Variants in DEUP1 observed in about 807,000 individuals in gnomAD.
DEUP1 encodes the protein deuterosome assembly protein 1.
Under a neutral mutation model 87.4 loss-of-function variants are expected in DEUP1, and 82 were observed. The ratio of observed to expected loss-of-function variants is 0.94; its 90% confidence interval spans 0.78 to 1.13. The LOEUF (loss-of-function observed/expected upper bound fraction) is 1.13, where lower values mean the gene tolerates loss of function less well. DEUP1 is among the 50% of genes most tolerant of loss of function. The pLI is 0.00. For missense variants in DEUP1, 663 were observed against 681.5 expected (o/e 0.97, Z 0.30); for synonymous variants, 214 against 222.7 (o/e 0.96, Z 0.35).
chr11:93,359,971 C>T (rs12098946), intron 4 of DEUP1, among the ~76,000 whole-genome samples: 1,855 of 152,106 alleles, frequency 0.012, 38 homozygotes, highest in African/African-American at 0.043. Flanking sequence ...ATTGGAGAGC[C>T]TGGACTTCTA....
At chr11:93,373,629 A>ATATATATATATATGTGTG (rs1945872490) in intron 7 of DEUP1, among the ~76,000 whole-genome samples, 2 of 120,160 alleles carry the variant, frequency 1.7e-5, no homozygotes, top group African/African-American at 6.6e-5. Flanking sequence ...ATATACGTAT[A>ATATATATATATATGTGTG]TATATATATA....
chr11:93,380,094 C>T (rs1420280121), intron 7 of DEUP1, among the ~76,000 whole-genome samples: 1 of 152,130 alleles, frequency 6.6e-6, no homozygotes, highest in African/African-American at 2.4e-5. Flanking sequence ...GGAGTGTGAC[C>T]AGCATCTAGT....
chr11:93,345,099 A>C (rs902425044), intron 2 of DEUP1, among the ~76,000 whole-genome samples: 2 of 152,146 alleles, frequency 1.3e-5, no homozygotes, highest in African/African-American at 4.8e-5. Context: ...TATAAGTGAG[A>C]ACATGTGACA....
At chr11:93,428,590 TATA>T (rs1374446489) in intron 13 of DEUP1, among the ~76,000 whole-genome samples, 3 of 151,970 alleles carry the variant, frequency 2.0e-5, no homozygotes, top group Non-Finnish European at 2.9e-5. Context: ...AAACTTAAAG[TATA>T]ATAATAATAA....
intron 9 of DEUP1, among the ~76,000 whole-genome samples, chr11:93,389,467 T>C (rs1946701459): frequency 1.3e-5 from 2 of 152,216 alleles, no homozygotes; most frequent in African/African-American, 4.8e-5. Context: ...TGCAAGATAC[T>C]GAGGAGCCTC....
At chr11:93,391,562 G>A (rs995672718) in intron 9 of DEUP1, among the ~76,000 whole-genome samples, 1 of 151,934 alleles carries the variant, frequency 6.6e-6, no homozygotes, top group Non-Finnish European at 1.5e-5. Flanking sequence ...ACAAAAATTA[G>A]CCAGGCATGG....
intron 2 of DEUP1, among the ~76,000 whole-genome samples, chr11:93,337,504 C>G (rs935187084): frequency 1.3e-5 from 2 of 152,186 alleles, no homozygotes; most frequent in Non-Finnish European, 2.9e-5. Flanking sequence ...CCCTTACTCT[C>G]CCTCTCTTCA....
At chr11:93,381,601 A>G (rs1374260828) in intron 7 of DEUP1, among the ~76,000 whole-genome samples, 1 of 152,118 alleles carries the variant, frequency 6.6e-6, no homozygotes, top group Non-Finnish European at 1.5e-5. Context: ...TAAATGTGCA[A>G]TATTTTTCCT....
chr11:93,428,876 G>C (rs187946140), intron 13 of DEUP1, among the ~76,000 whole-genome samples: 170 of 152,200 alleles, frequency 1.1e-3, no homozygotes, highest in African/African-American at 3.7e-3. Context: ...TTGCTCTACT[G>C]TCTAACACAT....
At chr11:93,417,918 C>T (rs1338939469) in intron 13 of DEUP1, among the ~76,000 whole-genome samples, 1 of 151,662 alleles carries the variant, frequency 6.6e-6, no homozygotes. Context: ...CTGAGAAAAA[C>T]AAGCAATGGG....
chr11:93,350,964 T>A (rs2134197504), intron 2 of DEUP1, among the ~76,000 whole-genome samples: 1 of 148,802 alleles, frequency 6.7e-6, no homozygotes, highest in South Asian at 2.1e-4. Context: ...TCAAAAAAAA[T>A]TATATATATA....
At chr11:93,416,476 C>G (rs535021895) in intron 13 of DEUP1, among the ~76,000 whole-genome samples, 6 of 152,020 alleles carry the variant, frequency 3.9e-5, no homozygotes, top group Non-Finnish European at 8.8e-5. Flanking sequence ...AAGACTAAAC[C>G]AGGAAGAAGT....
intron 7 of DEUP1, among the ~76,000 whole-genome samples, chr11:93,371,952 G>A (rs1312465230): frequency 3.5e-5 from 5 of 144,448 alleles, no homozygotes; most frequent in Admixed American, 7.0e-5. Context: ...TTTTTGAGAC[G>A]GAGTCTCGCT....
intron 2 of DEUP1, among the ~76,000 whole-genome samples, chr11:93,336,926 T>C (rs1477169119): frequency 6.6e-6 from 1 of 152,182 alleles, no homozygotes; most frequent in Non-Finnish European, 1.5e-5. Flanking sequence ...TAGTAGGATT[T>C]GGGGAGGGAA....
At chr11:93,332,571 T>C (rs1401801971) in intron 2 of DEUP1, among the ~76,000 whole-genome samples, 6 of 152,202 alleles carry the variant, frequency 3.9e-5, no homozygotes, top group Admixed American at 3.3e-4. Flanking sequence ...TCGTGTGCTC[T>C]TCTGTTACCA....
chr11:93,376,324 T>C (rs1328240999), intron 7 of DEUP1, among the ~76,000 whole-genome samples: 1 of 152,100 alleles, frequency 6.6e-6, no homozygotes, highest in African/African-American at 2.4e-5. Context: ...TCTAGGAGGG[T>C]TTAATCTAGG....
intron 2 of DEUP1, among the ~76,000 whole-genome samples, chr11:93,350,783 C>T (rs1187717874): frequency 6.6e-6 from 1 of 151,368 alleles, no homozygotes; most frequent in African/African-American, 2.4e-5. Context: ...AACCCCGTCT[C>T]TACTAAAAAT....
rs528998323 is a variant in DEUP1, at chr11:93,375,687, A to C, written c.789+4407A>C. Among the ~76,000 whole-genome samples the C allele has an allele frequency of 1.5e-4, 23 of 152,272 alleles. 1 individual carries two copies. In the South Asian group the frequency reaches 3.7e-3, roughly 25 times the overall value. On this transcript the variant is annotated intron_variant, in intron 7 of 13. Transcript: ENST00000298050. ...GATATGCTGTTGGATTCAGTTAGCTAGTATTTTGTCCAGGGTTTTTGCATC... is the reference window on the plus strand; with the variant it reads ...GATATGCTGTTGGATTCAGTTAGCTCGTATTTTGTCCAGGGTTTTTGCATC...
chr11:93,380,386 G>A (rs1170228690), intron 7 of DEUP1, among the ~76,000 whole-genome samples: 1 of 146,482 alleles, frequency 6.8e-6, no homozygotes, highest in Non-Finnish European at 1.5e-5. Context: ...CTGTTTTTTT[G>A]GGTTTTGTTT....
Sources: allele counts gnomAD v4.1 joint callset (sites outside exome capture counted in the v4.1 genomes callset), GRCh38; gene constraint gnomAD v4.1.1; transcripts MANE v1.5; gene names NCBI Gene and HGNC (gene_info 2026-07-23, HGNC 2026-07-21).